LIFR: variants seen among roughly 807,000 people sequenced by gnomAD.
LIFR encodes the protein LIF receptor subunit alpha.
LIFR carries 84 observed loss-of-function variants against 122.2 expected under a neutral mutation model. That is an observed-to-expected ratio of 0.69 (90% confidence interval 0.58 to 0.82). LIFR has a LOEUF of 0.82. Among genes scored for constraint, LIFR ranks in the 40% least tolerant of loss-of-function variants. The pLI is 0.00. For missense variants in LIFR, 1,294 were observed against 1,311.6 expected, an observed-to-expected ratio of 0.99 and a Z score of 0.21; for synonymous variants, 422 against 434.7, an observed-to-expected ratio of 0.97 and a Z score of 0.36.
intron 1 of LIFR, among the ~76,000 whole-genome samples, chr5:38,534,925 A>G (rs1289630490): frequency 6.6e-6 from 1 of 152,198 alleles, no homozygotes; most frequent in Non-Finnish European, 1.5e-5. Context: ...CTTCCAAAAT[A>G]CAAGTGAAAA....
rs1743689235 is a variant in LIFR at position 38,475,620 on chromosome 5, A to C, written c.*5975T>G. The C allele has an allele frequency of 5.4e-6, 1 of 186,264 alleles. No homozygotes were observed. Among genetic ancestry groups the C allele is most frequent in the Non-Finnish European group, 1.1e-5 (1 of 87,918 alleles). The allele number at this position is 186,264 out of a possible 1,614,324, so 11.5% of individuals were successfully genotyped here. ...AACATATAATACTCACTTTAAAAAAACATTCATTCTACAAACCTTATAAAA... is the reference window on the plus strand; with the variant it reads ...AACATATAATACTCACTTTAAAAAACCATTCATTCTACAAACCTTATAAAA... On this transcript the variant is annotated 3_prime_UTR_variant, in exon 20 of 20. Transcript: ENST00000453190.
Position 38,528,706 on chromosome 5 carries a change from TTAAAG to T in LIFR, c.257+15_257+19del, listed in dbSNP as rs1460129096. The T allele has an allele frequency of 2.9e-6, 4 of 1,398,244 alleles. No individual in the cohort carries two copies. The highest frequency in any genetic ancestry group is 1.4e-5 in the African/African-American group (1 of 70,146). 86.6% of individuals were successfully genotyped at this position (1,398,244 alleles called of 1,614,324 possible). On this transcript the variant is annotated intron_variant, in intron 3 of 19. Transcript: ENST00000453190. Reference sequence around the variant, plus strand: ...GCAATTCAACCTAGCTCATTGTGAATTAAAGTAAATTAAAATTACCTGTTTTCAAT... The same window carrying T: ...GCAATTCAACCTAGCTCATTGTGAATTAAATTAAAATTACCTGTTTTCAAT...
At chr5:38,587,561 T>C (rs778492104) in intron 1 of LIFR, among the ~76,000 whole-genome samples, 2 of 151,870 alleles carry the variant, frequency 1.3e-5, no homozygotes, top group Admixed American at 1.3e-4. Flanking sequence ...GACCAGATGC[T>C]GTGGGCCACA....
Position 38,482,564 on chromosome 5 carries a change from T to A in LIFR, c.2670+25A>T, listed in dbSNP as rs1351897579. On this transcript the variant is annotated intron_variant, in intron 19 of 19. Transcript: ENST00000453190. The stretch of plus-strand genomic sequence containing the variant: ...AAAAAAGAAGCCAGCACATCAAAGA[T>A]AAATATAAGAAAATAAAAGATTACC... 9 of 1,200,208 alleles carry A rather than the reference T, an allele frequency of 7.5e-6. 1 individual carries two copies. In the South Asian group the frequency reaches 1.0e-4, roughly 13 times the overall value. 74.3% of individuals were successfully genotyped at this position (1,200,208 alleles called of 1,614,324 possible). A position where few individuals can be genotyped will look rare whatever the true frequency, so the allele number is the denominator to read the frequency against.
chr5:38,498,378 C>A (rs1744997822), intron 12 of LIFR, among the ~76,000 whole-genome samples: 1 of 152,142 alleles, frequency 6.6e-6, no homozygotes, highest in Non-Finnish European at 1.5e-5. Flanking sequence ...CATCCCTGGC[C>A]CACTTTTCAC....
chr5:38,490,021 AG>A lies in LIFR; in HGVS notation c.2167+168del, dbSNP rs1561136633. 1.5e-3 allele frequency among the ~76,000 whole-genome samples: 204 copies of A among 140,216 alleles called. 3 individuals carry two copies. Among genetic ancestry groups the A allele is most frequent in the African/African-American group, 5.1e-3 (190 of 37,488 alleles). 92.0% of individuals were successfully genotyped at this position (140,216 alleles called of 152,430 possible). A position where few individuals can be genotyped will look rare whatever the true frequency, so the allele number is the denominator to read the frequency against. ...AAAAAAAAAAAAAAAAAAAAAAAAA[AG>A]AGGAGGAGGAGAAAAAAGTAGTAAT... On this transcript the variant is annotated intron_variant, in intron 15 of 19. Coordinates refer to ENST00000453190, the MANE Select transcript of LIFR (RefSeq NM_001127671.2).
chr5:38,591,007 A>T (rs1749905469), intron 1 of LIFR, among the ~76,000 whole-genome samples: 1 of 152,230 alleles, frequency 6.6e-6, no homozygotes, highest in African/African-American at 2.4e-5. Context: ...TCAAATGATG[A>T]TATAAATAAA....
chr5:38,538,075 A>T (rs912940278), intron 1 of LIFR, among the ~76,000 whole-genome samples: 22 of 152,160 alleles, frequency 1.4e-4, no homozygotes, highest in Non-Finnish European at 2.9e-5. Context: ...TGCCATATAA[A>T]ATTAATTTCA....
At position 38,543,605 on chromosome 5, in the gene LIFR, A is replaced by G. The variant is rs147992557; in HGVS notation, c.-20+12729T>C. Among the ~76,000 whole-genome samples, 1,347 of 152,334 alleles carry G rather than the reference A, an allele frequency of 8.8e-3. 12 individuals are homozygous for G. Among genetic ancestry groups the G allele is most frequent in the Middle Eastern group, 0.017 (5 of 294 alleles). ...ACTTCTAGGAAATTCTCCTCAGGAG[A>G]TATCAGACAAGATTTCAAAGGTGTG... On this transcript the variant is annotated intron_variant, in intron 1 of 19. Transcript: ENST00000453190.
chr5:38,590,396 C>T (rs906292323), intron 1 of LIFR, among the ~76,000 whole-genome samples: 1 of 152,126 alleles, frequency 6.6e-6, no homozygotes, highest in Non-Finnish European at 1.5e-5. Context: ...ACCCTAGAGA[C>T]CCGTGTACCA....
intron 1 of LIFR, among the ~76,000 whole-genome samples, chr5:38,548,321 TA>T (rs1748008729): frequency 1.3e-5 from 2 of 152,208 alleles, no homozygotes; most frequent in African/African-American, 2.4e-5. Flanking sequence ...TGAAATAACC[TA>T]GTATGTTCCT....
chr5:38,496,401 C>T lies in LIFR; in HGVS notation c.1866G>A (p.Ala622=), dbSNP rs778629088. The T allele has an allele frequency of 1.4e-5, 22 of 1,612,908 alleles. No homozygotes were observed. In the East Asian group the frequency reaches 2.2e-4, roughly 16 times the overall value. ...SVGSSPPSKI[A]SMEIPNDDLK... Reference sequence around the variant, plus strand: ...ACTCACCATTTGGAATTTCCATACTCGCTATTTTGGAAGGTGGTGATGAGC... The same window carrying T: ...ACTCACCATTTGGAATTTCCATACTTGCTATTTTGGAAGGTGGTGATGAGC... The change falls in exon 13 of 20, where the codon GCG becomes GCA. Residue 622 remains alanine (A), a synonymous_variant. Coordinates refer to ENST00000453190, the MANE Select transcript of LIFR (RefSeq NM_001127671.2).
chr5:38,554,488 A>G (rs922439927), intron 1 of LIFR, among the ~76,000 whole-genome samples: 2 of 152,254 alleles, frequency 1.3e-5, no homozygotes, highest in Non-Finnish European at 2.9e-5. Flanking sequence ...ATCACAATGA[A>G]GAGATTAAAT....
At chr5:38,605,334 C>T (rs961186350) in intron 2 of LIFR, among the ~76,000 whole-genome samples, 4 of 152,170 alleles carry the variant, frequency 2.6e-5, no homozygotes, top group Non-Finnish European at 4.4e-5. Flanking sequence ...GTTCAATGTA[C>T]GGACTGGAAT....
chr5:38,581,056 C>T (rs1326809953), intron 1 of LIFR, among the ~76,000 whole-genome samples: 1 of 152,166 alleles, frequency 6.6e-6, no homozygotes, highest in East Asian at 1.9e-4. Context: ...AGGATCATTA[C>T]AATGTCTACC....
intron 1 of LIFR, among the ~76,000 whole-genome samples, chr5:38,577,832 C>T (rs1005424231): frequency 6.6e-6 from 1 of 152,178 alleles, no homozygotes; most frequent in Non-Finnish European, 1.5e-5. Context: ...TTTTGAACAA[C>T]ATAGGCATTT....
At chr5:38,486,749 C>T (rs1744305421) in intron 16 of LIFR, among the ~76,000 whole-genome samples, 1 of 152,090 alleles carries the variant, frequency 6.6e-6, no homozygotes, top group African/African-American at 2.4e-5. Flanking sequence ...AACTATTAGA[C>T]CTTATCTACA....
intron 1 of LIFR, among the ~76,000 whole-genome samples, chr5:38,587,255 GGAAACTGAGGAGCATAT>G (rs1479594678): frequency 3.3e-5 from 5 of 152,040 alleles, no homozygotes; most frequent in Admixed American, 3.3e-4. Context: ...CAAGAAAGAG[GGAAACTGAGGAGCATAT>G]ACCAGGGGTC....
At chr5:38,512,072 A>C (rs1159242620) in intron 5 of LIFR, 108 bp from the exon 6 acceptor site, 4 of 1,108,866 alleles carry the variant, frequency 3.6e-6, no homozygotes, top group African/African-American at 1.6e-5. Flanking sequence ...AGCTAAGTTT[A>C]TGTTTTGTCC....
Sources: gnomAD v4.1 joint callset for allele counts (sites outside exome capture counted in the v4.1 genomes callset) on GRCh38, gnomAD v4.1.1 for gene constraint, MANE v1.5 for transcripts, NCBI Gene and HGNC (gene_info 2026-07-23, HGNC 2026-07-21) for gene names.